The following WWP2 variants were observed in gnomAD, a reference collection of about 807,000 sequenced individuals.
WWP2 encodes the protein WW domain containing E3 ubiquitin protein ligase 2, also known as NEDD4-like E3 ubiquitin-protein ligase WWP2.
Under a neutral mutation model 121.0 loss-of-function variants are expected in WWP2, and 57 were observed. That is an observed-to-expected ratio of 0.47 (90% CI 0.38 to 0.59). The LOEUF is 0.59. Among genes scored for constraint, WWP2 ranks in the 20% least tolerant of loss-of-function variants. WWP2 has a pLI of 0.00. For synonymous variants in WWP2, 449 were observed against 441.3 expected (o/e 1.02, Z -0.22); for missense variants, 962 against 1,158.9 (o/e 0.83, Z 2.47).
intron 6 of WWP2, among the ~76,000 whole-genome samples, chr16:69,856,359 A>G (rs775096272): frequency 2.4e-4 from 37 of 152,154 alleles, no homozygotes; most frequent in Admixed American, 3.3e-4. Flanking sequence ...GGAATGTTCT[A>G]TGTCTCAGTT....
chr16:69,859,731 C>T (rs1486705909), intron 6 of WWP2, among the ~76,000 whole-genome samples: 1 of 152,034 alleles, frequency 6.6e-6, no homozygotes. Context: ...CCCCCTCCAC[C>T]TTCGAGCCAG....
At chr16:69,922,875 T>C (rs968271331) in intron 10 of WWP2, among the ~76,000 whole-genome samples, 1 of 151,196 alleles carries the variant, frequency 6.6e-6, no homozygotes, top group Non-Finnish European at 1.5e-5. Context: ...GCAAAAGTAA[T>C]TGTGGTTTTT....
chr16:69,914,375 G>C (rs867771648), intron 9 of WWP2, among the ~76,000 whole-genome samples: 6 of 151,932 alleles, frequency 3.9e-5, no homozygotes, highest in African/African-American at 1.5e-4. Flanking sequence ...ACTTCCAGAG[G>C]GAAAAAACAG....
chr16:69,820,750 T>C (rs1426727168), intron 4 of WWP2, among the ~76,000 whole-genome samples: 1 of 145,386 alleles, frequency 6.9e-6, no homozygotes, highest in Non-Finnish European at 1.6e-5. Context: ...GAATGTAAGG[T>C]CTATGGGGGC....
intron 1 of WWP2, among the ~76,000 whole-genome samples, chr16:69,763,514 A>G (rs2038662645): frequency 6.6e-6 from 1 of 152,266 alleles, no homozygotes; most frequent in Non-Finnish European, 1.5e-5. Flanking sequence ...TACAAGTAGG[A>G]AAAAGTACTT....
In WWP2 at chr16:69,939,833, C is replaced by G; in HGVS notation, c.2514-8C>G. 6.2e-7 allele frequency: 1 copy of G among 1,612,308 alleles called. No individual in the cohort carries two copies. The highest frequency in any genetic ancestry group is 8.5e-7 in the Non-Finnish European group (1 of 1,179,220). ...GGGCTGACTGTCGTGCTTCCCCACT[C>G]TCAATAGCTTCAACCGTCTGGATCT... On this transcript the variant is annotated splice_polypyrimidine_tract_variant and splice_region_variant and intron_variant, in intron 23 of 23. Transcript: ENST00000359154.
chr16:69,790,568 T>A (rs1237163312), intron 2 of WWP2, among the ~76,000 whole-genome samples: 3 of 151,748 alleles, frequency 2.0e-5, no homozygotes, highest in Non-Finnish European at 4.4e-5. Context: ...GTATGATGTT[T>A]AGCATCTTTT....
chr16:69,846,735 A>G (rs2057088283), intron 6 of WWP2, among the ~76,000 whole-genome samples: 1 of 151,632 alleles, frequency 6.6e-6, no homozygotes, highest in Non-Finnish European at 1.5e-5. Flanking sequence ...AAAAAAAAAA[A>G]GAAAAAAGAA....
intron 8 of WWP2, among the ~76,000 whole-genome samples, chr16:69,894,089 T>A (rs77100813): frequency 0.037 from 5,618 of 151,766 alleles, 291 homozygotes; most frequent in African/African-American, 0.12. Flanking sequence ...TTTTTTTTTT[T>A]AACTGAGATG....
intron 11 of WWP2, among the ~76,000 whole-genome samples, chr16:69,926,530 A>C (rs2058642399): frequency 1.3e-5 from 2 of 152,168 alleles, no homozygotes; most frequent in African/African-American, 4.8e-5. Context: ...TTCTCGATGC[A>C]GACACTTCTG....
Position 69,937,180 on chromosome 16 carries a change from G to T in WWP2, c.2180G>T (p.Gly727Val). 1 of 1,614,038 alleles carries T rather than the reference G, an allele frequency of 6.2e-7. No homozygotes were observed. The highest frequency in any genetic ancestry group is 8.5e-7 in the Non-Finnish European group (1 of 1,180,028). The part of the protein sequence containing the change: ...VEEQTKAFLD[G>V]FNEVAPLEWL... Reference sequence around the variant, plus strand: ...GAGCAGACCAAAGCCTTCCTGGATGGCTTCAACGAGGTGGCCCCGCTGGAG... The same window carrying T: ...GAGCAGACCAAAGCCTTCCTGGATGTCTTCAACGAGGTGGCCCCGCTGGAG... Residue 727 changes from glycine (G) to valine (V), a missense_variant, in exon 20 of 24, where the codon GGC (glycine) becomes GTC (valine). Gly to Val is a moderately radical substitution (Grantham distance 109, BLOSUM62 -3). Around this residue, in one of 3 missense-constraint regions of WWP2, gnomAD observed 606 missense variants for 772.6 expected, o/e 0.78. Coordinates refer to ENST00000359154, the MANE Select transcript of WWP2 (RefSeq NM_001270454.2). This position sits in a 1 kb window ranked among gnomAD's most constrained non-coding sequence, Gnocchi z 6.6.
intron 4 of WWP2, among the ~76,000 whole-genome samples, chr16:69,825,377 TGGTG>T (rs1214754633): frequency 8.7e-5 from 13 of 150,280 alleles, no homozygotes. Flanking sequence ...TGAGTTGAGA[TGGTG>T]CCACTGCACT....
chr16:69,812,161 C>CTTTTTTTT (rs1021541952), intron 4 of WWP2, among the ~76,000 whole-genome samples: 5 of 108,470 alleles, frequency 4.6e-5, no homozygotes, highest in African/African-American at 7.5e-5. Context: ...GAGTACAGAC[C>CTTTTTTTT]TTTTTTTTTT....
intron 4 of WWP2, among the ~76,000 whole-genome samples, chr16:69,807,638 A>G (rs1032963938): frequency 2.7e-5 from 4 of 150,222 alleles, no homozygotes; most frequent in South Asian, 2.1e-4. Flanking sequence ...AAAAAAAAAA[A>G]AAAAAAGAAA....
At chr16:69,867,452 C>T (rs372246950) in intron 6 of WWP2, among the ~76,000 whole-genome samples, 25 of 152,300 alleles carry the variant, frequency 1.6e-4, no homozygotes, top group African/African-American at 4.3e-4. Flanking sequence ...TACATTTCAG[C>T]GGCCCTCATG....
intron 9 of WWP2, among the ~76,000 whole-genome samples, chr16:69,912,467 C>T (rs1277461160): frequency 6.6e-6 from 1 of 151,282 alleles, no homozygotes; most frequent in Non-Finnish European, 1.5e-5. Flanking sequence ...AGGACCAGGT[C>T]GGGGGACACA....
chr16:69,859,862 GC>G (rs1597068354), intron 6 of WWP2, among the ~76,000 whole-genome samples: 1 of 149,928 alleles, frequency 6.7e-6, no homozygotes, highest in South Asian at 2.1e-4. Flanking sequence ...AGAGAGCACC[GC>G]CCCCCACCCC....
At chr16:69,763,138 C>CGCT (rs200268272) in intron 1 of WWP2, among the ~76,000 whole-genome samples, 7 of 152,350 alleles carry the variant, frequency 4.6e-5, no homozygotes, top group African/African-American at 1.7e-4. Flanking sequence ...CACTGTTGAC[C>CGCT]TAGCCCAGCG....
intron 7 of WWP2, among the ~76,000 whole-genome samples, chr16:69,875,516 T>C (rs2057719658): frequency 6.6e-6 from 1 of 152,236 alleles, no homozygotes; most frequent in South Asian, 2.1e-4. Context: ...TTAGCAACAG[T>C]AGAAAATCTT....
Sources: allele counts gnomAD v4.1 joint callset (sites outside exome capture counted in the v4.1 genomes callset), GRCh38; gene constraint gnomAD v4.1.1; regional missense constraint gnomAD v4.1.1; non-coding constraint Gnocchi (gnomAD v3.1); transcripts MANE v1.5; gene names NCBI Gene and HGNC (gene_info 2026-07-23, HGNC 2026-07-21).